Variants in RNF123 observed in about 807,000 individuals in gnomAD.
RNF123 encodes the protein ring finger protein 123, also known as E3 ubiquitin-protein ligase RNF123.
Under a neutral mutation model 168.5 loss-of-function variants are expected in RNF123, and 86 were observed. The observed-to-expected ratio is 0.51, with a 90% CI of 0.43 to 0.61. The LOEUF (loss-of-function observed/expected upper bound fraction) is 0.61, where lower values mean the gene tolerates loss of function less well. Among genes scored for constraint, RNF123 ranks in the 20% least tolerant of loss-of-function variants. The pLI is 0.00. For missense variants in RNF123, 1,419 were observed against 1,729.7 expected, an observed-to-expected ratio of 0.82 and a Z score of 3.19; for synonymous variants, 666 against 689.1, an observed-to-expected ratio of 0.97 and a Z score of 0.52.
rs144519280 is a variant in RNF123 at position 49,718,191 on chromosome 3, C to A, written c.3500+1714C>A. ...AGGACTGTGCGCTCAGCTCTTGGAG[C>A]GGGCTGGGTGTTTGGGGCCAGCGGC... On this transcript the variant is annotated intron_variant, in intron 35 of 38. Transcript: ENST00000327697. 4 of 1,612,914 alleles carry A rather than the reference C, an allele frequency of 2.5e-6. No individual in the cohort carries two copies. The African/African-American group carries it at 4.0e-5, about 16-fold the overall frequency.
chr3:49,698,156 A>ACCCCTCCCTGGGCCCAGGGAGGGGT lies in RNF123; in HGVS notation c.483+40_483+41insGGGTCCCCTCCCTGGGCCCAGGGAG. 6.3e-7 allele frequency: 1 copy of ACCCCTCCCTGGGCCCAGGGAGGGGT among 1,593,788 alleles called. No homozygotes were observed. The highest frequency in any genetic ancestry group is 1.4e-5 in the African/African-American group (1 of 73,408). ...CCAGGAGGTACACGTTGGGGAGGGG[A>ACCCCTCCCTGGGCCCAGGGAGGGGT]CCCCTCCCTGGGCCCAGGGAGAGCT... is the stretch of plus-strand genomic sequence containing the variant. On this transcript the variant is annotated intron_variant, in intron 7 of 38. Coordinates refer to ENST00000327697, the MANE Select transcript of RNF123 (RefSeq NM_022064.5).
chr3:49,702,039 C>G (rs528403324), intron 17 of RNF123, 44 bp from the exon 18 acceptor site: 1 of 1,601,602 alleles, frequency 6.2e-7, no homozygotes, highest in African/African-American at 1.3e-5. Flanking sequence ...ACCTGCCCCC[C>G]ATCTCCTGGA....
rs750705430 is a variant in RNF123, at chr3:49,705,948, G to A, written c.2305-34G>A. On this transcript the variant is annotated intron_variant, in intron 24 of 38. Transcript: ENST00000327697. ...AAGAAGCCTGGATGAAGTGCCCAAGGGGCACTCTGGACATGTGGTCCCATG... is the reference window on the plus strand; with the variant it reads ...AAGAAGCCTGGATGAAGTGCCCAAGAGGCACTCTGGACATGTGGTCCCATG... 1.9e-6 allele frequency: 3 copies of A among 1,604,476 alleles called. No homozygotes were observed. The Admixed American group carries it at 5.0e-5, about 27-fold the overall frequency.
chr3:49,706,096 G>C (rs1041656222), intron 25 of RNF123, 31 bp downstream of exon 25: 4 of 1,590,602 alleles, frequency 2.5e-6, no homozygotes, highest in Admixed American at 1.7e-5. Flanking sequence ...GTGAGGGGCA[G>C]CTTGCTTACT....
In RNF123 at chr3:49,713,938, G is replaced by T. The variant is rs1479117154; in HGVS notation, c.2866G>T (p.Ala956Ser). 6.2e-7 allele frequency: 1 copy of T among 1,613,974 alleles called. No homozygotes were observed. The highest frequency in any genetic ancestry group is 8.5e-7 in the Non-Finnish European group (1 of 1,179,966). The change falls in exon 30 of 39, where the codon GCG becomes TCG. Residue 956 changes from alanine to serine, a missense_variant. Physicochemically the swap from Ala to Ser is moderately conservative, Grantham distance 99. Coordinates refer to ENST00000327697, the MANE Select transcript of RNF123 (RefSeq NM_022064.5). ...TATCGCCATGGTGAGGAACCTCCTG[G>T]CGCCCTATGAGCAGCGGCCCTGGGC... ...QRIAMVRNLLAPYEQRPWAQT... is the reference protein window; with the variant it reads ...QRIAMVRNLLSPYEQRPWAQT...
At position 49,721,253 on chromosome 3, in the gene RNF123, TAG is replaced by T; in HGVS notation, c.3896_3897del (p.Glu1299GlyfsTer74). Reference sequence around the variant, plus strand: ...TTCTGCAAAACCACCATCGTGTCTGTAGAGGACTGGGAGAAGGGAGCCAATAC... The same window carrying T: ...TTCTGCAAAACCACCATCGTGTCTGTAGGACTGGGAGAAGGGAGCCAATAC... On this transcript the variant is annotated frameshift_variant, in exon 39 of 39. Coordinates refer to ENST00000327697, the MANE Select transcript of RNF123 (RefSeq NM_022064.5). LOFTEE classifies it high-confidence loss of function. The T allele has an allele frequency of 6.2e-7, 1 of 1,614,218 alleles. No homozygotes were observed.
In RNF123 at chr3:49,691,240, G is replaced by T; in HGVS notation, c.75G>T (p.Arg25Ser). ...TGACCTCAGATGCTGAGAAATCCAG[G>T]GTCACAGGTAAGAGCTGGCAGGGAA... The part of the protein sequence containing the change: ...YRLTSDAEKS[R>S]VTGIVQEKLL... The change falls in exon 2 of 39, where the codon AGG becomes AGT. Residue 25 changes from arginine (R) to serine (S), a missense_variant. Transcript: ENST00000327697. The T allele has an allele frequency of 6.2e-7, 1 of 1,613,936 alleles. No homozygotes were observed. The highest frequency in any genetic ancestry group is 8.5e-7 in the Non-Finnish European group (1 of 1,179,820).
At chr3:49,705,464 CCTG>C in intron 23 of RNF123, 67 bp from the exon 24 acceptor site, 1 of 1,524,690 alleles carries the variant, frequency 6.6e-7, no homozygotes, top group South Asian at 1.3e-5. Flanking sequence ...GATTTCCTCT[CCTG>C]CTGTGAGGCA....
Position 49,692,511 on chromosome 3 carries a change from A to C in RNF123, c.167+1002A>C, listed in dbSNP as rs1219770292. 5.3e-5 allele frequency among the ~76,000 whole-genome samples: 8 copies of C among 152,252 alleles called. No homozygotes were observed. The East Asian group carries it at 1.4e-3, about 26-fold the overall frequency. On this transcript the variant is annotated intron_variant, in intron 3 of 38. Transcript: ENST00000327697. ...ACAATCTAGTTATACTCTTTTAGTT[A>C]TTTTTAAATGTACAATTATTATTTA...
At chr3:49,717,859 T>G in intron 35 of RNF123, 1 of 1,392,460 alleles carries the variant, frequency 7.2e-7, no homozygotes, top group Non-Finnish European at 9.7e-7. Flanking sequence ...GCACAGTGCT[T>G]CCCACCAGTA....
rs1463164474 is a variant in RNF123, at chr3:49,700,506, T to A, written c.1145T>A (p.Met382Lys). The change falls in exon 14 of 39, where the codon ATG (methionine) becomes AAG (lysine). Residue 382 changes from methionine (M) to lysine (K), a missense_variant. Physicochemically the swap from Met to Lys is moderately conservative, Grantham distance 95. Around this residue, in one of 5 missense-constraint regions of RNF123, gnomAD observed 349 missense variants for 344.9 expected, o/e 1.01. Coordinates refer to ENST00000327697, the MANE Select transcript of RNF123 (RefSeq NM_022064.5). ...GTACAAGATTGCCTCAAGCAGTTGA[T>A]GATGTCTCTGCTTCGGCTGTACCGA... is the stretch of plus-strand genomic sequence containing the variant. ...YEVQDCLKQL[M>K]MSLLRLYRFS... 1 of 1,614,066 alleles carries A rather than the reference T, an allele frequency of 6.2e-7. No homozygotes were observed. Among genetic ancestry groups the A allele is most frequent in the African/African-American group, 1.3e-5 (1 of 74,952 alleles).
chr3:49,712,873 A>G (rs1270388523), intron 27 of RNF123: 5 of 707,336 alleles, frequency 7.1e-6, no homozygotes, highest in Non-Finnish European at 1.0e-5. Flanking sequence ...AGCAAAGGAA[A>G]ACAGACAAGA....
chr3:49,720,366 C>T, intron 35 of RNF123, 145 bp from the exon 36 acceptor site: 1 of 729,422 alleles, frequency 1.4e-6, no homozygotes, highest in Non-Finnish European at 2.0e-6. Flanking sequence ...GAATACAGGA[C>T]TTGGGGTTTG....
Position 49,720,597 on chromosome 3 carries a change from C to G in RNF123, c.3587C>G (p.Pro1196Arg), listed in dbSNP as rs758409013. Reference protein sequence around the residue: ...ICYLLGQPEPPAPGTALPAPD... With the variant: ...ICYLLGQPEPRAPGTALPAPD... Reference sequence around the variant, plus strand: ...TATCTCCTGGGACAGCCAGAGCCCCCAGCACCTGGCACTGCTCTGCCAGCC... The same window carrying G: ...TATCTCCTGGGACAGCCAGAGCCCCGAGCACCTGGCACTGCTCTGCCAGCC... The change falls in exon 36 of 39, where the codon CCA (proline) becomes CGA (arginine). Residue 1196 changes from proline (P) to arginine (R), a missense_variant. Physicochemically the swap from Pro to Arg is moderately radical, Grantham distance 103. Transcript: ENST00000327697. The G allele has an allele frequency of 4.3e-6, 7 of 1,611,080 alleles. No homozygotes were observed. The highest frequency in any genetic ancestry group is 1.7e-5 in the Admixed American group (1 of 59,776).
At chr3:49,695,968 C>T (rs4052558) in intron 3 of RNF123, among the ~76,000 whole-genome samples, 2 of 152,194 alleles carry the variant, frequency 1.3e-5, no homozygotes, top group Non-Finnish European at 2.9e-5. Context: ...TCATGTGCTC[C>T]GCTGACCATT....
rs1249111708 is a variant in RNF123 at position 49,699,071 on chromosome 3, TCCGTGG to T, written c.733_738del (p.Val245_Ala246del). On this transcript the variant is annotated inframe_deletion, in exon 10 of 39. Coordinates refer to ENST00000327697, the MANE Select transcript of RNF123 (RefSeq NM_022064.5). This position sits in a 1 kb window ranked among gnomAD's most constrained non-coding sequence, Gnocchi z 4.8. ...AGCCATCAGCCTCTCTTTCAAGGAG[TCCGTGG>T]CCTTCAACTTTGGCAGCCGTCCTCT... 1 of 1,613,614 alleles carries T rather than the reference TCCGTGG, an allele frequency of 6.2e-7. No individual in the cohort carries two copies. The highest frequency in any genetic ancestry group is 2.2e-5 in the East Asian group (1 of 44,870).
Position 49,703,482 on chromosome 3 carries a change from G to T in RNF123, c.1806G>T (p.Leu602=). Residue 602 remains leucine (L), a synonymous_variant, in exon 21 of 39, where the codon CTG becomes CTT. Transcript: ENST00000327697. The part of the protein sequence containing the change: ...FYNGKVDYFD[L]QRLGGLLSHL... ...ATGGCAAGGTGGACTACTTTGACCTGCAGCGCCTGGGGGGCCTCCTCTCGC... is the reference window on the plus strand; with the variant it reads ...ATGGCAAGGTGGACTACTTTGACCTTCAGCGCCTGGGGGGCCTCCTCTCGC... 6.2e-7 allele frequency: 1 copy of T among 1,614,158 alleles called. No individual in the cohort carries two copies.
chr3:49,718,967 TGCAGCCCAGGTAGAGATGGCTGAGCGCGC>T (rs776656174), intron 35 of RNF123: 1 of 1,613,682 alleles, frequency 6.2e-7, no homozygotes, highest in Non-Finnish European at 8.5e-7. Flanking sequence ...GCGAGTTCGT[TGCAGCCCAGGTAGAGATGGCTGAGCGCGC>T]GCAGGCCGTG....
intron 35 of RNF123, 109 bp from the exon 36 acceptor site, chr3:49,720,402 A>G (rs758962116): frequency 1.8e-5 from 20 of 1,125,430 alleles, no homozygotes; most frequent in Non-Finnish European, 2.2e-5. Flanking sequence ...GAAAGGATGC[A>G]GGGGGGGTGA....
Sources: allele counts gnomAD v4.1 joint callset (sites outside exome capture counted in the v4.1 genomes callset), GRCh38; gene constraint gnomAD v4.1.1; regional missense constraint gnomAD v4.1.1; non-coding constraint Gnocchi (gnomAD v3.1); transcripts MANE v1.5; gene names NCBI Gene and HGNC (gene_info 2026-07-23, HGNC 2026-07-21).